The following KLK13 variants were observed in gnomAD, a reference collection of about 807,000 sequenced individuals.
The protein encoded by KLK13 is kallikrein-13.
A neutral mutation model predicts 22.4 loss-of-function variants in KLK13; 19 were observed. That is an observed-to-expected ratio of 0.85 (90% CI 0.59 to 1.24). The LOEUF (loss-of-function observed/expected upper bound fraction) is 1.24. KLK13 is among the 50% of genes most tolerant of loss of function. The pLI is 0.00. For missense variants in KLK13, 311 were observed against 347.9 expected, an observed-to-expected ratio of 0.89 and a Z score of 0.84; for synonymous variants, 156 against 141.8, an observed-to-expected ratio of 1.10 and a Z score of -0.71.
intron 4 of KLK13, among the ~76,000 whole-genome samples, 167 bp from the exon 5 acceptor site, chr19:51,056,942 G>A (rs1417042996): frequency 6.6e-6 from 1 of 152,160 alleles, no homozygotes; most frequent in African/African-American, 2.4e-5. Context: ...AAGCAATGAA[G>A]ACAGTGAGAA....
chr19:51,065,227 C>A, upstream of KLK13: 1 of 523,668 alleles, frequency 1.9e-6, no homozygotes, highest in South Asian at 2.8e-5. Flanking sequence ...TGGAATCTGC[C>A]CCCCGCCTCC....
Position 51,056,328 on chromosome 19 carries a change from A to G in KLK13, c.*259T>C. On this transcript the variant is annotated 3_prime_UTR_variant, in exon 5 of 5. Coordinates refer to ENST00000595793, the MANE Select transcript of KLK13 (RefSeq NM_015596.3). ...GGGCTCATAGAAGCCACACTGATGA[A>G]GTTGAGAGACCTGGGCCATTGTCTG... 2.2e-6 allele frequency: 1 copy of G among 454,562 alleles called. No homozygotes were observed. Among genetic ancestry groups the G allele is most frequent in the South Asian group, 3.0e-5 (1 of 33,584 alleles). 28.2% of individuals were successfully genotyped at this position (454,562 alleles called of 1,614,324 possible).
intron 1 of KLK13, among the ~76,000 whole-genome samples, chr19:51,064,216 G>A (rs928297257): frequency 3.9e-5 from 6 of 152,142 alleles, no homozygotes; most frequent in Non-Finnish European, 8.8e-5. Flanking sequence ...TAGAGGCCGG[G>A]CTCGGTGGCT....
At chr19:51,064,553 T>C (rs1439127139) in intron 1 of KLK13, 1 of 479,022 alleles carries the variant, frequency 2.1e-6, no homozygotes, top group Non-Finnish European at 4.2e-6. Context: ...TGGCTAACTT[T>C]CAAGTCCCTT....
intron 1 of KLK13, among the ~76,000 whole-genome samples, chr19:51,061,697 C>G (rs1160980139): frequency 6.6e-6 from 1 of 152,214 alleles, no homozygotes; most frequent in African/African-American, 2.4e-5. Context: ...CTTTTACATC[C>G]CTCCGATCCA....
chr19:51,060,100 G>A lies in KLK13; in HGVS notation c.240-7C>T. The stretch of plus-strand genomic sequence containing the variant: ...TAGGTAAACTTTGAGCCCCCTGTGG[G>A]TGCAGAAAGAAGGTGGTTAGGAAAG... On this transcript the variant is annotated splice_polypyrimidine_tract_variant and splice_region_variant and intron_variant, in intron 2 of 4. Coordinates refer to ENST00000595793, the MANE Select transcript of KLK13 (RefSeq NM_015596.3). 4 of 1,612,712 alleles carry A rather than the reference G, an allele frequency of 2.5e-6. No individual in the cohort carries two copies. Among genetic ancestry groups the A allele is most frequent in the Non-Finnish European group, 3.4e-6 (4 of 1,179,544 alleles).
chr19:51,063,030 T>C (rs958663558), intron 1 of KLK13, among the ~76,000 whole-genome samples: 1 of 152,162 alleles, frequency 6.6e-6, no homozygotes, highest in Non-Finnish European at 1.5e-5. Context: ...AGCATCCAGT[T>C]CTCTTTTAAA....
intron 4 of KLK13, among the ~76,000 whole-genome samples, chr19:51,057,174 G>A (rs1464326191): frequency 6.6e-6 from 1 of 152,024 alleles, no homozygotes; most frequent in Non-Finnish European, 1.5e-5. Context: ...TCCTATTTAA[G>A]GCTCATTTGT....
Position 51,059,809 on chromosome 19 carries a change from C to T in KLK13, c.508+16G>A. The T allele has an allele frequency of 6.4e-7, 1 of 1,572,370 alleles. No individual in the cohort carries two copies. The highest frequency in any genetic ancestry group is 8.6e-7 in the Non-Finnish European group (1 of 1,158,676). The stretch of plus-strand genomic sequence containing the variant: ...CCACTCCTATGGGGCCTCAGGCCAC[C>T]TGTGTGGGTGCATACCCTGGGGGCT... On this transcript the variant is annotated intron_variant, in intron 3 of 4. Transcript: ENST00000595793.
intron 1 of KLK13, among the ~76,000 whole-genome samples, chr19:51,063,292 C>T (rs1351693275): frequency 6.6e-6 from 1 of 152,200 alleles, no homozygotes; most frequent in African/African-American, 2.4e-5. Context: ...TTATTTCCTT[C>T]CTTACCTTCT....
At position 51,061,701 on chromosome 19, in the gene KLK13, C is replaced by T. The variant is rs550110940; in HGVS notation, c.53-1082G>A. ...AAATCCTTCCACTTTTACATCCCTC[C>T]GATCCAGTCTTCTCAAAGTAGGCTG... is the stretch of plus-strand genomic sequence containing the variant. On this transcript the variant is annotated intron_variant, in intron 1 of 4. Transcript: ENST00000595793. Among the ~76,000 whole-genome samples, 9 of 152,340 alleles carry T rather than the reference C, an allele frequency of 5.9e-5. No homozygotes were observed. In the South Asian group the frequency reaches 6.2e-4, roughly 11 times the overall value.
intron 4 of KLK13, 137 bp downstream of exon 4, chr19:51,058,397 TGACC>T: frequency 1.0e-5 from 10 of 983,462 alleles, no homozygotes; most frequent in Admixed American, 6.8e-5. Flanking sequence ...CTTTTTGTCT[TGACC>T]TCCTATGTGA....
intron 1 of KLK13, among the ~76,000 whole-genome samples, chr19:51,061,286 T>G (rs1363897545): frequency 6.6e-6 from 1 of 152,070 alleles, no homozygotes; most frequent in African/African-American, 2.4e-5. Context: ...ATCCATCCAA[T>G]CATCTTTCCA....
chr19:51,065,005 C>T lies in KLK13; in HGVS notation c.52+11G>A. 6.4e-7 allele frequency: 1 copy of T among 1,552,518 alleles called. No individual in the cohort carries two copies. The highest frequency in any genetic ancestry group is 8.7e-7 in the Non-Finnish European group (1 of 1,147,776). ...AATGGCCGCCGCGCCTCCACCCCCGCGCATTCTTACCTCCTGACAAGGCCA... is the reference window on the plus strand; with the variant it reads ...AATGGCCGCCGCGCCTCCACCCCCGTGCATTCTTACCTCCTGACAAGGCCA... On this transcript the variant is annotated intron_variant, in intron 1 of 4. Coordinates refer to ENST00000595793, the MANE Select transcript of KLK13 (RefSeq NM_015596.3).
upstream of KLK13, among the ~76,000 whole-genome samples, chr19:51,065,450 A>G (rs1330730462): frequency 6.6e-6 from 1 of 151,924 alleles, no homozygotes; most frequent in East Asian, 1.9e-4. Context: ...TATTAGCCCA[A>G]GTTCTTATCT....
At chr19:51,061,753 ATGT>A (rs1383930138) in intron 1 of KLK13, among the ~76,000 whole-genome samples, 7 of 152,230 alleles carry the variant, frequency 4.6e-5, no homozygotes, top group African/African-American at 7.2e-5. Context: ...AGAAAGTCAG[ATGT>A]TGTTCCCAGG....
chr19:51,057,439 T>C (rs541554006), intron 4 of KLK13, among the ~76,000 whole-genome samples: 5 of 152,312 alleles, frequency 3.3e-5, no homozygotes, highest in African/African-American at 1.2e-4. Flanking sequence ...TTTATTTATT[T>C]ATTTATTAGA....
At chr19:51,064,513 A>G in intron 1 of KLK13, 1 of 387,134 alleles carries the variant, frequency 2.6e-6, no homozygotes, top group South Asian at 1.9e-5. Flanking sequence ...AAAAAAAAGG[A>G]ATACTACTAA....
Position 51,065,020 on chromosome 19 carries a change from T to C in KLK13, c.48A>G (p.Ser16=). The C allele has an allele frequency of 6.7e-7, 1 of 1,482,458 alleles. No individual in the cohort carries two copies. The highest frequency in any genetic ancestry group is 9.0e-7 in the Non-Finnish European group (1 of 1,106,904). 91.8% of individuals were successfully genotyped at this position (1,482,458 alleles called of 1,614,324 possible). The change falls in exon 1 of 5, where the codon TCA becomes TCG. Residue 16 remains serine (S), a synonymous_variant. Coordinates refer to ENST00000595793, the MANE Select transcript of KLK13 (RefSeq NM_015596.3). ...LVIASLTLAL[S]GGVSQESSKV... ...TCCACCCCCGCGCATTCTTACCTCC[T>C]GACAAGGCCAAGGTCAGGGAGGCGA...
Sources: gnomAD v4.1 joint callset for allele counts (sites outside exome capture counted in the v4.1 genomes callset) on GRCh38, gnomAD v4.1.1 for gene constraint, MANE v1.5 for transcripts, NCBI Gene and HGNC (gene_info 2026-07-23, HGNC 2026-07-21) for gene names.